Variants in CLCN3 observed in about 807,000 individuals in gnomAD.
CLCN3 encodes the protein H(+)/Cl(-) exchange transporter 3.
In CLCN3, 16 loss-of-function variants were observed where a neutral mutation model predicts 83.4. The ratio of observed to expected loss-of-function variants is 0.19; its 90% CI spans 0.13 to 0.29. CLCN3 has a LOEUF of 0.29. CLCN3 is among the 10% of genes least tolerant of loss of function. The pLI is 1.00. For synonymous variants in CLCN3, 322 were observed against 346.2 expected (o/e 0.93, Z 0.78); for missense variants, 544 against 1,006.0 (o/e 0.54, Z 6.21).
chr4:169,688,456 G>T (rs866524852), intron 4 of CLCN3, among the ~76,000 whole-genome samples: 33 of 152,142 alleles, frequency 2.2e-4, no homozygotes, highest in African/African-American at 8.0e-4. Flanking sequence ...TTTTTGTGGA[G>T]AATAAAGTAC....
chr4:169,678,530 A>G (rs1215557161), intron 2 of CLCN3, among the ~76,000 whole-genome samples: 1 of 152,030 alleles, frequency 6.6e-6, no homozygotes, highest in Non-Finnish European at 1.5e-5. Flanking sequence ...CATGTGAACA[A>G]AGGTCTCTGG....
chr4:169,680,360 C>A (rs565009534), intron 3 of CLCN3, 153 bp downstream of exon 3: 99 of 603,222 alleles, frequency 1.6e-4, no homozygotes, highest in Non-Finnish European at 2.6e-4. Context: ...TTTTCTTTTT[C>A]TATGTTTAAT....
At chr4:169,646,429 C>A (rs767786566) in intron 2 of CLCN3, among the ~76,000 whole-genome samples, 1 of 152,044 alleles carries the variant, frequency 6.6e-6, no homozygotes, top group Non-Finnish European at 1.5e-5. Flanking sequence ...GCTGGGACTA[C>A]AGGCATGTGC....
chr4:169,707,134 G>A lies in CLCN3; in HGVS notation c.2017G>A (p.Asp673Asn), dbSNP rs746329223. Residue 673 changes from aspartate to asparagine, a missense_variant, in exon 11 of 13, where the codon GAC becomes AAC. This residue lies in a region of CLCN3 where 142 missense variants were observed against 225.0 expected (regional missense o/e 0.63). Coordinates refer to ENST00000513761, the MANE Select transcript of CLCN3 (RefSeq NM_001829.4). Reference protein sequence around the residue: ...NDPPLAVLTQDNMTVDDIENM... With the variant: ...NDPPLAVLTQNNMTVDDIENM... ...TCCTCCCTTAGCTGTCCTGACACAG[G>A]ACAATATGACAGTGGATGATATAGA... The A allele has an allele frequency of 5.6e-6, 9 of 1,613,970 alleles. No homozygotes were observed. The highest frequency in any genetic ancestry group is 7.6e-6 in the Non-Finnish European group (9 of 1,180,002).
intron 3 of CLCN3, among the ~76,000 whole-genome samples, chr4:169,684,916 A>G (rs1732096281): frequency 6.6e-6 from 1 of 151,886 alleles, no homozygotes; most frequent in Admixed American, 6.6e-5. Context: ...ATTTTAGGTA[A>G]TCTGTCTCCA....
Position 169,690,544 on chromosome 4 carries a change from T to C in CLCN3, c.621T>C (p.Tyr207=), listed in dbSNP as rs1560861026. 2 of 1,611,194 alleles carry C rather than the reference T, an allele frequency of 1.2e-6. No homozygotes were observed. Among genetic ancestry groups the C allele is most frequent in the African/African-American group, 1.3e-5 (1 of 74,862 alleles). ...IIGQAEGPGS[Y]IMNYIMYIFW... Reference sequence around the variant, plus strand: ...TTTCTTTTTAGGGTCCTGGTTCTTATATCATGAACTACATAATGTACATCT... The same window carrying C: ...TTTCTTTTTAGGGTCCTGGTTCTTACATCATGAACTACATAATGTACATCT... The change falls in exon 6 of 13, where the codon TAT becomes TAC. Residue 207 remains tyrosine (Y), a synonymous_variant. Coordinates refer to ENST00000513761, the MANE Select transcript of CLCN3 (RefSeq NM_001829.4).
chr4:169,659,859 A>G (rs1730991085), intron 2 of CLCN3, among the ~76,000 whole-genome samples: 1 of 152,122 alleles, frequency 6.6e-6, no homozygotes, highest in Non-Finnish European at 1.5e-5. Context: ...ACACAAACTT[A>G]CTAGAGTGCT....
rs184556860 is a variant in CLCN3 at position 169,673,152 on chromosome 4, T to C, written c.161-6898T>C. Among the ~76,000 whole-genome samples the C allele has an allele frequency of 8.1e-3, 1,238 of 152,358 alleles. 21 individuals are homozygous for C. Among genetic ancestry groups the C allele is most frequent in the African/African-American group, 0.029 (1,187 of 41,580 alleles). On this transcript the variant is annotated intron_variant, in intron 2 of 12. Transcript: ENST00000513761. The stretch of plus-strand genomic sequence containing the variant: ...AAATTTTCCTTTTCTTCTCCTTCTT[T>C]ATACTATTCAGATTTGCATGTTTGA...
chr4:169,684,104 G>A (rs1037833217), intron 3 of CLCN3, among the ~76,000 whole-genome samples: 5 of 152,008 alleles, frequency 3.3e-5, no homozygotes, highest in East Asian at 1.9e-4. Flanking sequence ...CTTTTTTTCC[G>A]TGAACTTTTT....
chr4:169,671,932 G>C (rs1201836660), intron 2 of CLCN3, among the ~76,000 whole-genome samples: 1 of 152,056 alleles, frequency 6.6e-6, no homozygotes, highest in East Asian at 1.9e-4. Flanking sequence ...AAATCTAACT[G>C]TGAGCACAGT....
chr4:169,681,713 A>T (rs901809650), intron 3 of CLCN3, among the ~76,000 whole-genome samples: 20 of 152,236 alleles, frequency 1.3e-4, no homozygotes, highest in Admixed American at 7.9e-4. Context: ...TTTTAAAAAA[A>T]AATAATTCAT....
chr4:169,711,137 A>G (rs1223977208), intron 11 of CLCN3, among the ~76,000 whole-genome samples: 1 of 152,214 alleles, frequency 6.6e-6, no homozygotes, highest in African/African-American at 2.4e-5. Flanking sequence ...TACAAAAACT[A>G]CAGAGTTTTA....
chr4:169,654,700 C>T (rs7697855), intron 2 of CLCN3, among the ~76,000 whole-genome samples: 150,463 of 152,286 alleles, frequency 0.99, 74,350 homozygotes, highest in East Asian at 1. Context: ...ATTATTGCAT[C>T]GCGGTCCGGG....
chr4:169,638,624 A>G (rs1730309204), intron 2 of CLCN3, among the ~76,000 whole-genome samples: 1 of 152,174 alleles, frequency 6.6e-6, no homozygotes, highest in African/African-American at 2.4e-5. Context: ...TGAGGCAGAA[A>G]ATTAACTCCA....
At chr4:169,703,430 T>C (rs1195559629) in intron 9 of CLCN3, among the ~76,000 whole-genome samples, 3 of 152,234 alleles carry the variant, frequency 2.0e-5, no homozygotes, top group Admixed American at 2.0e-4. Context: ...TTTGTAAATA[T>C]ATAGGAGGAC....
At chr4:169,679,998 C>A in intron 2 of CLCN3, 52 bp from the exon 3 acceptor site, 1 of 1,382,860 alleles carries the variant, frequency 7.2e-7, no homozygotes, top group Non-Finnish European at 1.0e-6. Context: ...GGTCACTTAG[C>A]TCACTGTTGT....
At chr4:169,628,119 A>C (rs891587739) in intron 1 of CLCN3, among the ~76,000 whole-genome samples, 7 of 152,198 alleles carry the variant, frequency 4.6e-5, no homozygotes, top group African/African-American at 1.7e-4. Flanking sequence ...CCCCCCAATA[A>C]AGGAACCTCA....
chr4:169,714,763 T>C (rs1414308700), intron 12 of CLCN3, among the ~76,000 whole-genome samples: 1 of 152,096 alleles, frequency 6.6e-6, no homozygotes, highest in African/African-American at 2.4e-5. Flanking sequence ...GAATATGAAG[T>C]AAATCATTAA....
At chr4:169,633,270 C>G (rs944047683) in intron 1 of CLCN3, among the ~76,000 whole-genome samples, 2 of 152,134 alleles carry the variant, frequency 1.3e-5, no homozygotes, top group Non-Finnish European at 2.9e-5. Context: ...CTCGGCCTCC[C>G]AAAGTGCTGG....
Sources: gnomAD v4.1 joint callset for allele counts (sites outside exome capture counted in the v4.1 genomes callset) on GRCh38, gnomAD v4.1.1 for gene constraint, gnomAD v4.1.1 regional missense constraint, MANE v1.5 for transcripts, NCBI Gene and HGNC (gene_info 2026-07-23, HGNC 2026-07-21) for gene names.